Variants in NRG2 observed in about 807,000 individuals in gnomAD.
NRG2 encodes the protein pro-neuregulin-2, membrane-bound isoform.
In NRG2, 27 loss-of-function variants were observed where a neutral mutation model predicts 73.9. The observed-to-expected ratio is 0.37, with a 90% CI of 0.27 to 0.50. NRG2 has a LOEUF of 0.50. Among genes scored for constraint, NRG2 ranks in the 20% least tolerant of loss-of-function variants. NRG2 has a pLI of 0.96. For synonymous variants in NRG2, 532 were observed against 541.0 expected (o/e 0.98, Z 0.23); for missense variants, 1,126 against 1,210.1 (o/e 0.93, Z 1.03).
chr5:139,903,153 C>A (rs973074860), intron 1 of NRG2, among the ~76,000 whole-genome samples: 1 of 152,146 alleles, frequency 6.6e-6, no homozygotes, highest in African/African-American at 2.4e-5. Flanking sequence ...GTCAAACGCT[C>A]TTTTGAAGGC....
rs191201374 is a variant in NRG2 at position 139,991,034 on chromosome 5, G to C, written c.700+51336C>G. ...CTCATGCCTGTAATCCCAGCACTTT[G>C]AGAGGCCAAGGCAGGTGGATCACGA... On this transcript the variant is annotated intron_variant, in intron 1 of 9. Coordinates refer to ENST00000361474, the MANE Select transcript of NRG2 (RefSeq NM_004883.3). Among the ~76,000 whole-genome samples, 5 of 152,156 alleles carry C rather than the reference G, an allele frequency of 3.3e-5. No homozygotes were observed. In the East Asian group the frequency reaches 9.7e-4, roughly 29 times the overall value.
intron 1 of NRG2, among the ~76,000 whole-genome samples, chr5:140,018,093 C>T (rs994175394): frequency 9.9e-5 from 15 of 151,980 alleles, no homozygotes; most frequent in African/African-American, 3.1e-4. Context: ...ATCTACAGGC[C>T]CATGTGTTCT....
At chr5:139,998,932 T>C (rs1033663668) in intron 1 of NRG2, among the ~76,000 whole-genome samples, 1 of 152,150 alleles carries the variant, frequency 6.6e-6, no homozygotes, top group Non-Finnish European at 1.5e-5. Flanking sequence ...CTCTGAATCC[T>C]ACATCACAAG....
intron 1 of NRG2, among the ~76,000 whole-genome samples, chr5:140,015,927 C>T (rs145097245): frequency 6.6e-5 from 10 of 152,318 alleles, no homozygotes; most frequent in Admixed American, 3.9e-4. Context: ...GTTACTTCAA[C>T]AAACACATCC....
chr5:140,021,758 T>C (rs1760246316), intron 1 of NRG2, among the ~76,000 whole-genome samples: 1 of 152,186 alleles, frequency 6.6e-6, no homozygotes, highest in African/African-American at 2.4e-5. Flanking sequence ...GAGTCAGAAA[T>C]GGTCTCCCAG....
In NRG2 at chr5:139,965,599, C is replaced by T. The variant is rs77236744; in HGVS notation, c.700+76771G>A. On this transcript the variant is annotated intron_variant, in intron 1 of 9. Coordinates refer to ENST00000361474, the MANE Select transcript of NRG2 (RefSeq NM_004883.3). Reference sequence around the variant, plus strand: ...ATATTCACCCAATCAGGCCCCTGGACAGAGGGACTCTGACACTTCTGCTGA... The same window carrying T: ...ATATTCACCCAATCAGGCCCCTGGATAGAGGGACTCTGACACTTCTGCTGA... Among the ~76,000 whole-genome samples the T allele has an allele frequency of 3.9e-3, 598 of 152,360 alleles. 5 individuals carry two copies. The highest frequency in any genetic ancestry group is 0.013 in the African/African-American group (551 of 41,582).
intron 1 of NRG2, among the ~76,000 whole-genome samples, chr5:140,041,688 T>C (rs1443978206): frequency 8.1e-6 from 1 of 124,066 alleles, no homozygotes; most frequent in South Asian, 2.6e-4. Context: ...AAAAAAAAGG[T>C]GTCTGCTTGC....
intron 3 of NRG2, among the ~76,000 whole-genome samples, chr5:139,878,616 C>T (rs1420190046): frequency 6.6e-6 from 1 of 152,228 alleles, no homozygotes; most frequent in Non-Finnish European, 1.5e-5. Flanking sequence ...CACCTCTGAA[C>T]TTACCAGTTT....
At chr5:139,867,762 C>CTGTGTG (rs367771225) in intron 4 of NRG2, among the ~76,000 whole-genome samples, 6,109 of 128,666 alleles carry the variant, frequency 0.047, 205 homozygotes, top group East Asian at 0.055. Flanking sequence ...GAAGGGAAAC[C>CTGTGTG]TGTGTGTGTG....
chr5:139,957,238 GA>G (rs1456741084), intron 1 of NRG2, among the ~76,000 whole-genome samples: 5 of 151,962 alleles, frequency 3.3e-5, no homozygotes, highest in South Asian at 2.1e-4. Flanking sequence ...GTCCACCCCA[GA>G]ATCTATGCAT....
chr5:139,848,461 A>C lies in NRG2; in HGVS notation c.2009T>G (p.Met670Arg). 7.5e-7 allele frequency: 1 copy of C among 1,329,774 alleles called. No individual in the cohort carries two copies. Among genetic ancestry groups the C allele is most frequent in the Non-Finnish European group, 9.5e-7 (1 of 1,053,032 alleles). 82.4% of individuals were successfully genotyped at this position (1,329,774 alleles called of 1,614,324 possible). Residue 670 changes from methionine to arginine, a missense_variant, in exon 10 of 10, where the codon ATG (methionine) becomes AGG (arginine). Transcript: ENST00000361474. ...ATAGTAGCTGTCATAGCTGCGCTGC[A>C]TGTCTGCGCCGGGCCCGGGCCCGGG... ...PGPGPGPGAD[M>R]QRSYDSYYYP...
chr5:139,865,234 C>T lies in NRG2; in HGVS notation c.1189+315G>A, dbSNP rs758414686. On this transcript the variant is annotated intron_variant, in intron 5 of 9. Transcript: ENST00000361474. The surrounding 1 kb of genome is among the most constrained non-coding windows in gnomAD (Gnocchi z 5.2). The stretch of plus-strand genomic sequence containing the variant: ...GGATAGCAAGACACAGGCATTGCAA[C>T]ACCCCGGCACGGGCTCCTGCCAATG... 6 of 1,395,260 alleles carry T rather than the reference C, an allele frequency of 4.3e-6. No individual in the cohort carries two copies. Among genetic ancestry groups the T allele is most frequent in the Non-Finnish European group, 6.1e-6 (6 of 985,018 alleles). 86.4% of individuals were successfully genotyped at this position (1,395,260 alleles called of 1,614,324 possible).
intron 5 of NRG2, among the ~76,000 whole-genome samples, chr5:139,860,228 A>G (rs1762064896): frequency 6.6e-6 from 1 of 152,104 alleles, no homozygotes; most frequent in African/African-American, 2.4e-5. Flanking sequence ...TCAGTTGGCA[A>G]ATGTCCCTGG....
At chr5:139,897,706 C>A (rs967756746) in intron 1 of NRG2, among the ~76,000 whole-genome samples, 7 of 152,126 alleles carry the variant, frequency 4.6e-5, no homozygotes, top group Non-Finnish European at 1.0e-4. Context: ...TGTGAGCACT[C>A]GCTGGAGGGT....
intron 1 of NRG2, among the ~76,000 whole-genome samples, chr5:139,955,866 G>C (rs1320551146): frequency 6.6e-6 from 1 of 152,168 alleles, no homozygotes; most frequent in Non-Finnish European, 1.5e-5. Flanking sequence ...TCCCAGGCCA[G>C]AATCAGCCCC....
chr5:140,042,175 G>A (rs1761974928), intron 1 of NRG2, among the ~76,000 whole-genome samples, 195 bp downstream of exon 1: 1 of 134,486 alleles, frequency 7.4e-6, no homozygotes, highest in African/African-American at 2.9e-5. Context: ...GGCACACTTT[G>A]AGCCTGATCC....
intron 5 of NRG2, among the ~76,000 whole-genome samples, chr5:139,862,426 A>G (rs1414836526): frequency 6.6e-6 from 1 of 152,162 alleles, no homozygotes; most frequent in Non-Finnish European, 1.5e-5. Context: ...CCCACTCATT[A>G]TGTTCATTGG....
At chr5:139,961,426 G>C (rs1462305974) in intron 1 of NRG2, among the ~76,000 whole-genome samples, 2 of 148,320 alleles carry the variant, frequency 1.3e-5, no homozygotes, top group African/African-American at 5.0e-5. Context: ...TCACTCTAGA[G>C]GACAATCAAG....
intron 1 of NRG2, among the ~76,000 whole-genome samples, chr5:139,943,133 G>A (rs1753528053): frequency 6.6e-6 from 1 of 151,900 alleles, no homozygotes; most frequent in Non-Finnish European, 1.5e-5. Flanking sequence ...GAGCCACCGT[G>A]TCTGGCCTCA....
Sources: allele counts gnomAD v4.1 joint callset (sites outside exome capture counted in the v4.1 genomes callset), GRCh38; gene constraint gnomAD v4.1.1; non-coding constraint Gnocchi (gnomAD v3.1); transcripts MANE v1.5; gene names NCBI Gene and HGNC (gene_info 2026-07-23, HGNC 2026-07-21).